ZMAT4: variants seen among roughly 807,000 people sequenced by gnomAD.
ZMAT4 encodes zinc finger matrin-type protein 4.
In ZMAT4, 17 loss-of-function variants were observed where a neutral mutation model predicts 28.7. That is an observed-to-expected ratio of 0.59 (90% CI 0.41 to 0.89). The LOEUF is 0.89. Ranked by LOEUF, ZMAT4 falls within the 40% of genes least tolerant of loss-of-function variation. ZMAT4 has a pLI of 0.00. For missense variants in ZMAT4, 240 were observed against 283.8 expected (o/e 0.85, Z 1.11); for synonymous variants, 117 against 109.2 (o/e 1.07, Z -0.44).
intron 1 of ZMAT4, among the ~76,000 whole-genome samples, chr8:40,883,304 C>T (rs1195566551): frequency 1.3e-5 from 2 of 152,204 alleles, no homozygotes; most frequent in African/African-American, 4.8e-5. Flanking sequence ...CACATGTTCC[C>T]TAGTCTGTTT....
intron 2 of ZMAT4, among the ~76,000 whole-genome samples, chr8:40,770,709 G>A (rs929640674): frequency 1.3e-5 from 2 of 151,996 alleles, no homozygotes; most frequent in Non-Finnish European, 2.9e-5. Context: ...CACCACGCCT[G>A]GCTAGTTTTT....
At chr8:40,739,670 G>T (rs1400897805) in intron 3 of ZMAT4, among the ~76,000 whole-genome samples, 1 of 152,144 alleles carries the variant, frequency 6.6e-6, no homozygotes, top group African/African-American at 2.4e-5. Flanking sequence ...GGATACATGT[G>T]CAGAACGTGC....
intron 1 of ZMAT4, among the ~76,000 whole-genome samples, chr8:40,847,211 A>AAAAC (rs1563524326): frequency 8.8e-5 from 11 of 125,702 alleles, no homozygotes; most frequent in Non-Finnish European, 1.7e-4. Context: ...CTAAAAAAAC[A>AAAAC]AACAAACAAA....
At chr8:40,533,497 C>A (rs563245118) in intron 6 of ZMAT4, among the ~76,000 whole-genome samples, 2 of 152,174 alleles carry the variant, frequency 1.3e-5, no homozygotes, top group Non-Finnish European at 2.9e-5. Flanking sequence ...TTCCCATCTT[C>A]CTTCGCTAAG....
At chr8:40,739,017 A>T (rs1811890375) in intron 3 of ZMAT4, among the ~76,000 whole-genome samples, 1 of 152,230 alleles carries the variant, frequency 6.6e-6, no homozygotes, top group Admixed American at 6.5e-5. Flanking sequence ...GAGTAAGCAC[A>T]CTGGTTGTCA....
chr8:40,889,954 C>T (rs1324077120), intron 1 of ZMAT4, among the ~76,000 whole-genome samples: 2 of 152,164 alleles, frequency 1.3e-5, no homozygotes, highest in African/African-American at 2.4e-5. Context: ...ACATATCCAC[C>T]AGCTAAGTCT....
At chr8:40,596,152 A>G (rs180938755) in intron 5 of ZMAT4, among the ~76,000 whole-genome samples, 194 of 152,278 alleles carry the variant, frequency 1.3e-3, no homozygotes, top group Non-Finnish European at 2.2e-3. Flanking sequence ...AGTACATTGT[A>G]TGGGGCACCT....
At chr8:40,642,527 C>T (rs142991426) in intron 5 of ZMAT4, among the ~76,000 whole-genome samples, 137 of 152,284 alleles carry the variant, frequency 9.0e-4, no homozygotes, top group African/African-American at 3.2e-3. Context: ...CCCTTTAAGA[C>T]AATATATCAT....
intron 5 of ZMAT4, among the ~76,000 whole-genome samples, chr8:40,630,466 T>C (rs1480195960): frequency 6.6e-6 from 1 of 152,182 alleles, no homozygotes. Context: ...TTTACTTTCC[T>C]AAACTCACAC....
At chr8:40,780,939 G>A (rs1813799666) in intron 2 of ZMAT4, among the ~76,000 whole-genome samples, 1 of 152,154 alleles carries the variant, frequency 6.6e-6, no homozygotes, top group South Asian at 2.1e-4. Flanking sequence ...ACTTCATGGT[G>A]GATCAGAAGC....
chr8:40,888,001 T>C (rs1818529599), intron 1 of ZMAT4, among the ~76,000 whole-genome samples: 1 of 152,244 alleles, frequency 6.6e-6, no homozygotes, highest in African/African-American at 2.4e-5. Context: ...CATCCTTCAA[T>C]GCTCAGGGCT....
At chr8:40,675,006 G>C in intron 4 of ZMAT4, 75 bp from the exon 5 acceptor site, 1 of 1,177,238 alleles carries the variant, frequency 8.5e-7, no homozygotes, top group Non-Finnish European at 1.2e-6. Context: ...AATACCCGAA[G>C]ACCAAAAGTC....
chr8:40,797,154 C>T (rs2150583572), intron 2 of ZMAT4, among the ~76,000 whole-genome samples: 1 of 152,330 alleles, frequency 6.6e-6, no homozygotes, highest in East Asian at 1.9e-4. Flanking sequence ...CTCATTCACT[C>T]TGCAGATCCC....
At chr8:40,631,952 A>T (rs957944155) in intron 5 of ZMAT4, among the ~76,000 whole-genome samples, 2 of 152,222 alleles carry the variant, frequency 1.3e-5, no homozygotes, top group Admixed American at 6.5e-5. Context: ...CCCTGCAGAC[A>T]TCTTGTGCCT....
At chr8:40,792,028 C>T (rs1253358423) in intron 2 of ZMAT4, among the ~76,000 whole-genome samples, 1 of 152,186 alleles carries the variant, frequency 6.6e-6, no homozygotes, top group Non-Finnish European at 1.5e-5. Flanking sequence ...ATTAAAAAGA[C>T]TAAAACTAGC....
intron 3 of ZMAT4, among the ~76,000 whole-genome samples, chr8:40,765,582 G>A (rs145825315): frequency 3.9e-5 from 6 of 152,262 alleles, no homozygotes; most frequent in Non-Finnish European, 7.3e-5. Flanking sequence ...AGGTTTCCAC[G>A]GGGACTTTGA....
intron 5 of ZMAT4, among the ~76,000 whole-genome samples, chr8:40,648,884 T>G (rs892299657): frequency 7.0e-6 from 1 of 142,868 alleles, no homozygotes; most frequent in Admixed American, 7.2e-5. Context: ...TGAGAGATTT[T>G]GTCACCACCA....
chr8:40,576,468 G>A (rs556658357), intron 6 of ZMAT4, among the ~76,000 whole-genome samples: 4 of 150,112 alleles, frequency 2.7e-5, no homozygotes, highest in South Asian at 2.1e-4. Flanking sequence ...ACTAACAACC[G>A]ATTTATTAGC....
intron 6 of ZMAT4, among the ~76,000 whole-genome samples, chr8:40,533,760 T>C (rs1802764954): frequency 6.6e-6 from 1 of 152,250 alleles, no homozygotes; most frequent in Non-Finnish European, 1.5e-5. Flanking sequence ...AGCATGACCC[T>C]GGTAGCTATA....
Sources: allele counts gnomAD v4.1 joint callset (sites outside exome capture counted in the v4.1 genomes callset), GRCh38; gene constraint gnomAD v4.1.1; transcripts MANE v1.5; gene names NCBI Gene and HGNC (gene_info 2026-07-23, HGNC 2026-07-21).